TTC28: variants seen among roughly 807,000 people sequenced by gnomAD.
The protein encoded by TTC28 is tetratricopeptide repeat domain 28, also known as tetratricopeptide repeat protein 28.
In TTC28, 61 loss-of-function variants were observed where a neutral mutation model predicts 198.0. The ratio of observed to expected loss-of-function variants is 0.31; its 90% confidence interval spans 0.25 to 0.38. TTC28 has a LOEUF of 0.38. Among genes scored for constraint, TTC28 ranks in the 10% least tolerant of loss-of-function variants. The pLI, the probability that TTC28 is intolerant of heterozygous loss-of-function variation, is 1.00. For missense variants in TTC28, 2,678 were observed against 3,164.0 expected (o/e 0.85, Z 3.69); for synonymous variants, 1,171 against 1,297.8 (o/e 0.90, Z 2.10).
intron 5 of TTC28, among the ~76,000 whole-genome samples, chr22:28,291,186 G>A (rs887716739): frequency 1.3e-5 from 2 of 151,730 alleles, no homozygotes; most frequent in African/African-American, 4.8e-5. Context: ...ATGGGGCAAG[G>A]GGACAAGAAT....
intron 2 of TTC28, among the ~76,000 whole-genome samples, chr22:28,354,248 C>T (rs992877513): frequency 2.0e-5 from 3 of 152,112 alleles, no homozygotes; most frequent in Admixed American, 1.3e-4. Context: ...TAGCATTATT[C>T]ACAATAGCCA....
intron 12 of TTC28, 143 bp from the exon 13 acceptor site, chr22:28,030,509 C>A (rs531010242): frequency 2.0e-6 from 2 of 990,548 alleles, no homozygotes; most frequent in Non-Finnish European, 1.5e-6. Context: ...CCCACTCCCT[C>A]CTCAGTGTCC....
chr22:28,172,464 C>T (rs1922774756), intron 5 of TTC28, among the ~76,000 whole-genome samples: 1 of 152,218 alleles, frequency 6.6e-6, no homozygotes, highest in Non-Finnish European at 1.5e-5. Context: ...CCAGGCGTCG[C>T]TGTTCTCAGG....
chr22:28,034,044 T>C (rs1225343143), intron 12 of TTC28, among the ~76,000 whole-genome samples: 2 of 152,026 alleles, frequency 1.3e-5, no homozygotes, highest in Non-Finnish European at 2.9e-5. Flanking sequence ...GAGAAGGGAA[T>C]GAAATATGAG....
intron 5 of TTC28, among the ~76,000 whole-genome samples, chr22:28,245,452 G>C (rs1442230741): frequency 6.6e-6 from 1 of 152,080 alleles, no homozygotes; most frequent in East Asian, 1.9e-4. Context: ...GATTTTCCCA[G>C]TTTTATAGAT....
chr22:27,989,765 A>G, intron 21 of TTC28, 113 bp downstream of exon 21: 3 of 1,365,778 alleles, frequency 2.2e-6, no homozygotes, highest in East Asian at 2.6e-5. Context: ...CTGTTTTAAG[A>G]TAATATTTTA....
intron 3 of TTC28, among the ~76,000 whole-genome samples, chr22:28,303,464 A>T (rs563307057): frequency 1.3e-5 from 2 of 152,204 alleles, no homozygotes; most frequent in Non-Finnish European, 2.9e-5. Flanking sequence ...CTGATATCTG[A>T]TTTGTGTGCA....
At chr22:28,172,712 G>A (rs1038048759) in intron 5 of TTC28, among the ~76,000 whole-genome samples, 3 of 152,128 alleles carry the variant, frequency 2.0e-5, no homozygotes, top group Non-Finnish European at 2.9e-5. Context: ...GGGACTCTCC[G>A]TGATGGGTGT....
At chr22:28,054,847 A>G (rs1320450411) in intron 12 of TTC28, among the ~76,000 whole-genome samples, 2 of 152,230 alleles carry the variant, frequency 1.3e-5, no homozygotes, top group Non-Finnish European at 2.9e-5. Flanking sequence ...CTTTTCATCT[A>G]ACTTTTAGCA....
chr22:28,346,527 G>A (rs1430043163), intron 2 of TTC28, among the ~76,000 whole-genome samples: 1 of 152,160 alleles, frequency 6.6e-6, no homozygotes, highest in East Asian at 1.9e-4. Context: ...ATGAGCCACA[G>A]AATACCAGGG....
chr22:28,291,105 C>A (rs549153793), intron 5 of TTC28, among the ~76,000 whole-genome samples: 1 of 151,630 alleles, frequency 6.6e-6, no homozygotes, highest in African/African-American at 2.4e-5. Flanking sequence ...TATGTAAATT[C>A]AATATAATTC....
At chr22:28,614,341 A>C (rs2050867112) in intron 2 of TTC28, among the ~76,000 whole-genome samples, 1 of 152,238 alleles carries the variant, frequency 6.6e-6, no homozygotes, top group Non-Finnish European at 1.5e-5. Flanking sequence ...GATAGGAAGA[A>C]TCAATATTGT....
chr22:28,567,107 T>G (rs1301932260), intron 2 of TTC28, among the ~76,000 whole-genome samples: 3 of 150,342 alleles, frequency 2.0e-5, no homozygotes, highest in Non-Finnish European at 4.4e-5. Flanking sequence ...CCCAGCTACT[T>G]GGGAGGCTGA....
chr22:28,201,043 C>T (rs1925887216), intron 5 of TTC28, among the ~76,000 whole-genome samples: 2 of 152,182 alleles, frequency 1.3e-5, no homozygotes, highest in Non-Finnish European at 2.9e-5. Flanking sequence ...TGTCCATTGG[C>T]TCACTTGTAA....
chr22:28,562,898 G>A (rs1411412845), intron 2 of TTC28, among the ~76,000 whole-genome samples: 3 of 152,144 alleles, frequency 2.0e-5, no homozygotes, highest in Non-Finnish European at 2.9e-5. Context: ...TGAGGCAGAC[G>A]GATCACTTGA....
At chr22:28,144,313 C>T (rs867042466) in intron 6 of TTC28, among the ~76,000 whole-genome samples, 1 of 152,236 alleles carries the variant, frequency 6.6e-6, no homozygotes, top group African/African-American at 2.4e-5. Flanking sequence ...CTGCCACAGA[C>T]TCCTTCTGAG....
chr22:28,127,256 T>C (rs996825294), intron 6 of TTC28, among the ~76,000 whole-genome samples: 3 of 152,210 alleles, frequency 2.0e-5, no homozygotes, highest in African/African-American at 7.2e-5. Context: ...TGTCATGAAC[T>C]GGAATCTTAA....
intron 6 of TTC28, among the ~76,000 whole-genome samples, chr22:28,146,627 A>G (rs961480239): frequency 6.6e-6 from 1 of 152,172 alleles, no homozygotes; most frequent in Non-Finnish European, 1.5e-5. Context: ...AGAGCATATC[A>G]TATCTCCCTC....
In TTC28 at chr22:28,634,814, A is replaced by T. The variant is rs1232636922; in HGVS notation, c.103-4984T>A. ...TGGCCAGGCTGGTCTCGAACTCCTG[A>T]CCTCAAGTGATCCACCCACCCTGGC... On this transcript the variant is annotated intron_variant, in intron 1 of 22. Coordinates refer to ENST00000397906, the MANE Select transcript of TTC28 (RefSeq NM_001145418.2). Among the ~76,000 whole-genome samples, 3 of 151,700 alleles carry T rather than the reference A, an allele frequency of 2.0e-5. No homozygotes were observed. The East Asian group carries it at 6.0e-4, about 30-fold the overall frequency.
Sources: allele counts gnomAD v4.1 joint callset (sites outside exome capture counted in the v4.1 genomes callset), GRCh38; gene constraint gnomAD v4.1.1; transcripts MANE v1.5; gene names NCBI Gene and HGNC (gene_info 2026-07-23, HGNC 2026-07-21).